The following ATG2B variants were observed in gnomAD, a reference collection of about 807,000 sequenced individuals.
ATG2B encodes the protein autophagy related 2B.
Under a neutral mutation model 241.3 loss-of-function variants are expected in ATG2B, and 121 were observed. That is an observed-to-expected ratio of 0.50 (90% CI 0.43 to 0.58). ATG2B has a LOEUF of 0.58. Among genes scored for constraint, ATG2B ranks in the 20% least tolerant of loss-of-function variants. The probability of loss-of-function intolerance (pLI) is 0.00; values close to 1 mark genes in which losing one functional copy is unlikely to be tolerated. For synonymous variants in ATG2B, 858 were observed against 876.6 expected (o/e 0.98, Z 0.37); for missense variants, 2,306 against 2,491.6 (o/e 0.93, Z 1.59).
intron 36 of ATG2B, among the ~76,000 whole-genome samples, chr14:96,294,058 T>C (rs1009519186): frequency 1.3e-5 from 2 of 152,246 alleles, no homozygotes; most frequent in African/African-American, 4.8e-5. Flanking sequence ...AGGAATCATC[T>C]ATTCCAAGAT....
At chr14:96,351,787 G>C (rs1888329324) in intron 1 of ATG2B, among the ~76,000 whole-genome samples, 1 of 150,632 alleles carries the variant, frequency 6.6e-6, no homozygotes, top group African/African-American at 2.4e-5. Flanking sequence ...TGTAGTCCCA[G>C]CTCCTTGGCG....
At chr14:96,296,316 A>T (rs892746944) in intron 34 of ATG2B, among the ~76,000 whole-genome samples, 1 of 152,142 alleles carries the variant, frequency 6.6e-6, no homozygotes, top group East Asian at 1.9e-4. Context: ...TTACAAACAA[A>T]AACTGCATGG....
intron 11 of ATG2B, among the ~76,000 whole-genome samples, chr14:96,329,887 CAGATCTGTAAAATATATGAAAT>C (rs1290065903): frequency 5.9e-5 from 9 of 152,124 alleles, no homozygotes; most frequent in Non-Finnish European, 1.3e-4. Flanking sequence ...CAAAATCTTT[CAGATCTGTAAAATATATGAAAT>C]AGTCTCTTAA....
At chr14:96,334,778 A>G (rs1887827616) in intron 6 of ATG2B, among the ~76,000 whole-genome samples, 1 of 152,230 alleles carries the variant, frequency 6.6e-6, no homozygotes, top group African/African-American at 2.4e-5. Context: ...ACTTAAAAGT[A>G]TTTGAGGAGG....
chr14:96,289,942 G>T lies in ATG2B; in HGVS notation c.5857-137C>A. Reference sequence around the variant, plus strand: ...CTAATGAAGACACTTCTGCGTATCTGAATTCTTTACCACAAGAATTGATGA... The same window carrying T: ...CTAATGAAGACACTTCTGCGTATCTTAATTCTTTACCACAAGAATTGATGA... On this transcript the variant is annotated intron_variant, in intron 40 of 41. Transcript: ENST00000359933. This position sits in a 1 kb window ranked among gnomAD's most constrained non-coding sequence, Gnocchi z 4.3. 1.1e-6 allele frequency: 1 copy of T among 911,258 alleles called. No individual in the cohort carries two copies. The highest frequency in any genetic ancestry group is 1.6e-6 in the Non-Finnish European group (1 of 621,452). The allele number at this position is 911,258 out of a possible 1,614,324, so 56.4% of individuals were successfully genotyped here. A position where few individuals can be genotyped will look rare whatever the true frequency, so the allele number is the denominator to read the frequency against.
chr14:96,329,110 T>C (rs530694623), intron 12 of ATG2B, among the ~76,000 whole-genome samples: 1 of 152,318 alleles, frequency 6.6e-6, no homozygotes, highest in South Asian at 2.1e-4. Flanking sequence ...AAATGGTGAA[T>C]GAACACAAGA....
chr14:96,323,819 A>T, intron 16 of ATG2B, 77 bp downstream of exon 16: 1 of 952,318 alleles, frequency 1.1e-6, no homozygotes, highest in Non-Finnish European at 1.6e-6. Flanking sequence ...TATATTTAAT[A>T]GACAAAATGT....
Position 96,325,917 on chromosome 14 carries a change from CT to C in ATG2B, c.2168del (p.Lys723ArgfsTer8). 6.2e-7 allele frequency: 1 copy of C among 1,610,884 alleles called. No individual in the cohort carries two copies. The highest frequency in any genetic ancestry group is 8.5e-7 in the Non-Finnish European group (1 of 1,178,450). On this transcript the variant is annotated frameshift_variant, in exon 15 of 42. Coordinates refer to ENST00000359933, the MANE Select transcript of ATG2B (RefSeq NM_018036.7). LOFTEE classifies it high-confidence loss of function. ...TSYNKHISLHKAFTEVFLDDS... is the reference protein window; with the variant it reads ...TSYNKHISLHXAFTEVFLDDS... Reference sequence around the variant, plus strand: ...CATCTAGAAACACTTCAGTGAAAGCCTTGTGCTAAAACACAAAACATCAAAA... The same window carrying C: ...CATCTAGAAACACTTCAGTGAAAGCCTGTGCTAAAACACAAAACATCAAAA...
At position 96,321,810 on chromosome 14, in the gene ATG2B, G is replaced by A. The variant is rs570097012; in HGVS notation, c.2879+302C>T. Among the ~76,000 whole-genome samples, 55 of 152,096 alleles carry A rather than the reference G, an allele frequency of 3.6e-4. No individual in the cohort carries two copies. In the South Asian group the frequency reaches 8.7e-3, roughly 24 times the overall value. On this transcript the variant is annotated intron_variant, in intron 18 of 41. Transcript: ENST00000359933. ...GTATTAGCATCTCTTAACTCTTCAC[G>A]TCACTGCACATAAAGAAAAAAATTG...
chr14:96,314,858 G>A (rs988350570), intron 23 of ATG2B, among the ~76,000 whole-genome samples: 2 of 152,122 alleles, frequency 1.3e-5, no homozygotes, highest in South Asian at 2.1e-4. Flanking sequence ...ATTCCACCAC[G>A]CCCAGCTAAT....
Position 96,324,001 on chromosome 14 carries a change from A to T in ATG2B, c.2438-3T>A. ...TCCTTTCTCTTCCTGGAACGATCCT[A>T]AAAAAAAAGACTGATTTACTGAAAT... On this transcript the variant is annotated splice_region_variant and splice_polypyrimidine_tract_variant and intron_variant, in intron 15 of 41. Coordinates refer to ENST00000359933, the MANE Select transcript of ATG2B (RefSeq NM_018036.7). 7.1e-7 allele frequency: 1 copy of T among 1,402,942 alleles called. No individual in the cohort carries two copies. The highest frequency in any genetic ancestry group is 9.5e-7 in the Non-Finnish European group (1 of 1,057,212). The allele number at this position is 1,402,942 out of a possible 1,614,324, so 86.9% of individuals were successfully genotyped here. A position where few individuals can be genotyped will look rare whatever the true frequency, so the allele number is the denominator to read the frequency against.
intron 32 of ATG2B, among the ~76,000 whole-genome samples, 191 bp downstream of exon 32, chr14:96,304,304 A>C (rs865926048): frequency 3.3e-5 from 5 of 152,236 alleles, no homozygotes; most frequent in African/African-American, 1.2e-4. Context: ...AACAAAAATA[A>C]AAGAAAAACA....
At chr14:96,349,374 T>C (rs1888255110) in intron 1 of ATG2B, among the ~76,000 whole-genome samples, 1 of 152,192 alleles carries the variant, frequency 6.6e-6, no homozygotes, top group African/African-American at 2.4e-5. Context: ...CTGAAATTTA[T>C]CTTAAGGGTG....
chr14:96,328,620 A>AAT (rs1421315471), intron 13 of ATG2B, 54 bp downstream of exon 13: 3 of 1,550,448 alleles, frequency 1.9e-6, no homozygotes, highest in South Asian at 2.4e-5. Flanking sequence ...ATTGTGACAA[A>AAT]ATATATATCA....
At chr14:96,294,526 A>T (rs1396156170) in intron 36 of ATG2B, among the ~76,000 whole-genome samples, 2 of 152,240 alleles carry the variant, frequency 1.3e-5, no homozygotes, top group Non-Finnish European at 2.9e-5. Flanking sequence ...CAGGAAAGAC[A>T]CATAACGACT....
At chr14:96,351,901 C>CA (rs35331211) in intron 1 of ATG2B, among the ~76,000 whole-genome samples, 82,653 of 130,770 alleles carry the variant, frequency 0.63, 26,686 homozygotes, top group Non-Finnish European at 0.7. Flanking sequence ...GACCTTGTCT[C>CA]AAAAAAAAAA....
At chr14:96,327,691 G>C (rs976813594) in intron 14 of ATG2B, among the ~76,000 whole-genome samples, 7 of 151,994 alleles carry the variant, frequency 4.6e-5, no homozygotes, top group Non-Finnish European at 8.8e-5. Flanking sequence ...CATATTTCTC[G>C]CCATTCTTTT....
chr14:96,333,272 T>C (rs1566729081), intron 8 of ATG2B, among the ~76,000 whole-genome samples: 1 of 152,176 alleles, frequency 6.6e-6, no homozygotes, highest in Non-Finnish European at 1.5e-5. Flanking sequence ...TATTTACATA[T>C]AACTGATGGA....
chr14:96,321,521 T>C (rs1887456408), intron 18 of ATG2B, among the ~76,000 whole-genome samples: 1 of 152,058 alleles, frequency 6.6e-6, no homozygotes, highest in Non-Finnish European at 1.5e-5. Context: ...GCCAGGATCA[T>C]CTCCATTTTA....
Sources: gnomAD v4.1 joint callset for allele counts (sites outside exome capture counted in the v4.1 genomes callset) on GRCh38, gnomAD v4.1.1 for gene constraint, Gnocchi (gnomAD v3.1) non-coding constraint, MANE v1.5 for transcripts, NCBI Gene and HGNC (gene_info 2026-07-23, HGNC 2026-07-21) for gene names.